The following NAV3 variants were observed in gnomAD, a reference collection of about 807,000 sequenced individuals.
NAV3 encodes neuron navigator 3, also known as pore membrane and/or filament interacting like protein 1.
In NAV3, 87 loss-of-function variants were observed where a neutral mutation model predicts 244.7. The observed-to-expected ratio is 0.36, with a 90% CI of 0.30 to 0.42. The LOEUF (loss-of-function observed/expected upper bound fraction) is 0.42, where lower values mean the gene tolerates loss of function less well. Among genes scored for constraint, NAV3 ranks in the 20% least tolerant of loss-of-function variants. The pLI, the probability that NAV3 is intolerant of heterozygous loss-of-function variation, is 1.00. For missense variants in NAV3, 2,663 were observed against 2,893.3 expected, an observed-to-expected ratio of 0.92 and a Z score of 1.83; for synonymous variants, 1,126 against 1,042.2, an observed-to-expected ratio of 1.08 and a Z score of -1.55.
chr12:77,658,853 T>C (rs2137025925), intron 2 of NAV3, among the ~76,000 whole-genome samples: 1 of 152,192 alleles, frequency 6.6e-6, no homozygotes, highest in South Asian at 2.1e-4. Flanking sequence ...AAACAAGCAA[T>C]GGGGAAAGGA....
intron 11 of NAV3, among the ~76,000 whole-genome samples, chr12:78,052,759 C>A (rs1476299786): frequency 6.6e-6 from 1 of 152,106 alleles, no homozygotes; most frequent in Non-Finnish European, 1.5e-5. Context: ...TCTCCCATCT[C>A]TCTCTTCTTT....
intron 2 of NAV3, among the ~76,000 whole-genome samples, chr12:77,789,161 A>G (rs187434470): frequency 5.0e-4 from 76 of 152,266 alleles, no homozygotes; most frequent in African/African-American, 1.5e-3. Context: ...ATTTCCCTTA[A>G]TCAGATCCAA....
chr12:77,620,044 G>T (rs2136865497), intron 2 of NAV3, among the ~76,000 whole-genome samples: 1 of 152,232 alleles, frequency 6.6e-6, no homozygotes. Flanking sequence ...TAAAATTAAG[G>T]AGTCTTTTCA....
chr12:78,042,907 G>A (rs1881119183), intron 9 of NAV3, among the ~76,000 whole-genome samples: 1 of 151,714 alleles, frequency 6.6e-6, no homozygotes, highest in African/African-American at 2.4e-5. Flanking sequence ...AGAACACCTT[G>A]AAATAATTAG....
At chr12:77,874,716 G>C (rs1881592177) in intron 1 of NAV3, among the ~76,000 whole-genome samples, 1 of 152,052 alleles carries the variant, frequency 6.6e-6, no homozygotes, top group Non-Finnish European at 1.5e-5. Flanking sequence ...CCACTAGGGA[G>C]CTTTTGTGGA....
chr12:77,871,389 T>G (rs188900109), intron 1 of NAV3, among the ~76,000 whole-genome samples: 223 of 152,288 alleles, frequency 1.5e-3, no homozygotes, highest in Non-Finnish European at 2.7e-3. Context: ...GCTGCACCCA[T>G]CAATCCATCA....
intron 1 of NAV3, among the ~76,000 whole-genome samples, chr12:77,875,884 C>T (rs982804055): frequency 6.6e-6 from 1 of 152,010 alleles, no homozygotes; most frequent in Non-Finnish European, 1.5e-5. Context: ...GATCCATAAT[C>T]ATTTCTTCCT....
chr12:77,708,049 G>A (rs1176825642), intron 2 of NAV3, among the ~76,000 whole-genome samples: 8 of 152,252 alleles, frequency 5.3e-5, no homozygotes, highest in Admixed American at 3.9e-4. Context: ...CTGTGCAGAA[G>A]CTCTTTAGTT....
At chr12:77,789,803 T>C (rs1244485034) in intron 2 of NAV3, among the ~76,000 whole-genome samples, 1 of 135,508 alleles carries the variant, frequency 7.4e-6, no homozygotes, top group East Asian at 2.1e-4. Context: ...AGAGCAAAAC[T>C]TCGTCTCGAA....
intron 39 of NAV3, among the ~76,000 whole-genome samples, chr12:78,208,783 G>T (rs1225193744): frequency 2.0e-5 from 3 of 152,082 alleles, no homozygotes; most frequent in Non-Finnish European, 2.9e-5. Flanking sequence ...TTTTTTAAAA[G>T]ATATCATTTA....
intron 12 of NAV3, among the ~76,000 whole-genome samples, chr12:78,061,958 T>C (rs1216436877): frequency 6.6e-6 from 1 of 152,156 alleles, no homozygotes; most frequent in Admixed American, 6.5e-5. Flanking sequence ...GAAATTTTAT[T>C]CTACTAAAAA....
chr12:77,778,384 A>G (rs1050767271), intron 2 of NAV3, among the ~76,000 whole-genome samples: 9 of 151,564 alleles, frequency 5.9e-5, no homozygotes, highest in African/African-American at 1.7e-4. Flanking sequence ...AGGCCAAGGC[A>G]GGTGGATCAC....
intron 5 of NAV3, among the ~76,000 whole-genome samples, chr12:77,979,711 A>AAC (rs759537158): frequency 9.6e-6 from 1 of 103,828 alleles, no homozygotes; most frequent in Middle Eastern, 4.1e-3. Flanking sequence ...AAAAAAAAAA[A>AAC]GAAAAAAAAA....
chr12:77,752,508 C>A (rs1405172176), intron 2 of NAV3, among the ~76,000 whole-genome samples: 2 of 151,970 alleles, frequency 1.3e-5, no homozygotes, highest in Non-Finnish European at 2.9e-5. Context: ...TTTAATGGAA[C>A]GCTGGAATGC....
chr12:77,888,804 T>A (rs936134684), intron 1 of NAV3, among the ~76,000 whole-genome samples: 2 of 152,150 alleles, frequency 1.3e-5, no homozygotes, highest in African/African-American at 4.8e-5. Flanking sequence ...GTTTTTATCT[T>A]TGTTTTCTCA....
At chr12:77,900,582 G>T (rs111272202) in intron 1 of NAV3, among the ~76,000 whole-genome samples, 10 of 152,148 alleles carry the variant, frequency 6.6e-5, no homozygotes, top group Admixed American at 4.6e-4. Flanking sequence ...ATGTGTGTGT[G>T]TGTGTGTATT....
intron 2 of NAV3, among the ~76,000 whole-genome samples, chr12:77,737,709 T>C (rs1484689261): frequency 6.6e-6 from 1 of 152,186 alleles, no homozygotes; most frequent in Non-Finnish European, 1.5e-5. Context: ...ATTTTGTATA[T>C]GTAATTTCTG....
At chr12:77,699,272 C>T (rs974499695) in intron 2 of NAV3, among the ~76,000 whole-genome samples, 6 of 152,040 alleles carry the variant, frequency 3.9e-5, no homozygotes, top group Admixed American at 6.6e-5. Context: ...GAGGAACAGA[C>T]GTTTGTGCGT....
At chr12:77,637,850 T>C (rs1872223489) in intron 2 of NAV3, among the ~76,000 whole-genome samples, 1 of 152,240 alleles carries the variant, frequency 6.6e-6, no homozygotes, top group Non-Finnish European at 1.5e-5. Flanking sequence ...CCAAAGAAGG[T>C]AATTACTTTG....
Sources: allele counts gnomAD v4.1 joint callset (sites outside exome capture counted in the v4.1 genomes callset), GRCh38; gene constraint gnomAD v4.1.1; transcripts MANE v1.5; gene names NCBI Gene and HGNC (gene_info 2026-07-23, HGNC 2026-07-21).